Variants in NTNG1 observed in about 807,000 individuals in gnomAD.
The protein encoded by NTNG1 is netrin G1, also known as netrin-G1.
Under a neutral mutation model 54.0 loss-of-function variants are expected in NTNG1, and 16 were observed. That is an observed-to-expected ratio of 0.30 (90% CI 0.20 to 0.45). NTNG1 has a LOEUF of 0.45. Ranked by LOEUF, NTNG1 falls within the 20% of genes least tolerant of loss-of-function variation. The pLI is 1.00. For synonymous variants in NTNG1, 255 were observed against 263.1 expected, an observed-to-expected ratio of 0.97 and a Z score of 0.30; for missense variants, 530 against 678.7, an observed-to-expected ratio of 0.78 and a Z score of 2.43.
chr1:107,357,427 C>T (rs1033044801), intron 3 of NTNG1, among the ~76,000 whole-genome samples: 1 of 152,202 alleles, frequency 6.6e-6, no homozygotes, highest in Non-Finnish European at 1.5e-5. Context: ...GTAATACCTC[C>T]TTGTCAAAGT....
chr1:107,365,642 CAT>C (rs1670553557), intron 3 of NTNG1, among the ~76,000 whole-genome samples: 1 of 152,006 alleles, frequency 6.6e-6, no homozygotes, highest in African/African-American at 2.4e-5. Context: ...TTCAATGAAA[CAT>C]AATCATATTT....
intron 2 of NTNG1, among the ~76,000 whole-genome samples, chr1:107,219,430 G>A (rs185340822): frequency 2.1e-4 from 32 of 152,240 alleles, no homozygotes; most frequent in African/African-American, 6.5e-4. Context: ...CAGAGATTTC[G>A]TCGTGATTTG....
chr1:107,474,937 T>C (rs621222), intron 7 of NTNG1, among the ~76,000 whole-genome samples: 45,439 of 152,102 alleles, frequency 0.3, 7,153 homozygotes, highest in Admixed American at 0.39. Context: ...CAGTCTCCTA[T>C]GTACAGGGGA....
At chr1:107,216,205 G>A (rs1659944407) in intron 2 of NTNG1, among the ~76,000 whole-genome samples, 1 of 152,136 alleles carries the variant, frequency 6.6e-6, no homozygotes, top group South Asian at 2.1e-4. Context: ...TGGTGAAAGT[G>A]GGCATCCTTG....
At chr1:107,197,603 A>G (rs1658438050) in intron 2 of NTNG1, among the ~76,000 whole-genome samples, 1 of 151,978 alleles carries the variant, frequency 6.6e-6, no homozygotes, top group Non-Finnish European at 1.5e-5. Context: ...AGATTTGTGC[A>G]GGACTACATT....
chr1:107,161,606 A>G, intron 2 of NTNG1, among the ~76,000 whole-genome samples: 1 of 151,600 alleles, frequency 6.6e-6, no homozygotes, highest in South Asian at 2.1e-4. Context: ...GGTTGCAGTG[A>G]GTTGAGATCG....
chr1:107,298,175 A>T (rs1253531640), intron 2 of NTNG1, among the ~76,000 whole-genome samples: 1 of 152,176 alleles, frequency 6.6e-6, no homozygotes, highest in Non-Finnish European at 1.5e-5. Flanking sequence ...TCTGGGGATA[A>T]AAAGACCCCA....
intron 2 of NTNG1, among the ~76,000 whole-genome samples, chr1:107,305,263 G>T (rs1270300098): frequency 6.6e-6 from 1 of 152,110 alleles, no homozygotes; most frequent in Non-Finnish European, 1.5e-5. Flanking sequence ...GTAATGGGAT[G>T]GCTGGGTCAA....
intron 7 of NTNG1, among the ~76,000 whole-genome samples, chr1:107,464,736 G>C (rs567655720): frequency 6.6e-6 from 1 of 152,154 alleles, no homozygotes; most frequent in Non-Finnish European, 1.5e-5. Context: ...AGTGCAATAG[G>C]TGGAGAATCT....
chr1:107,354,745 A>C (rs915899090), intron 3 of NTNG1, among the ~76,000 whole-genome samples: 1 of 152,104 alleles, frequency 6.6e-6, no homozygotes, highest in African/African-American at 2.4e-5. Context: ...GCATCACTGA[A>C]AATTCCCACT....
At chr1:107,451,868 A>G (rs1676646835) in intron 7 of NTNG1, among the ~76,000 whole-genome samples, 1 of 152,108 alleles carries the variant, frequency 6.6e-6, no homozygotes, top group South Asian at 2.1e-4. Context: ...AAAACGTGAA[A>G]TCGTAGAGTG....
At chr1:107,467,945 T>A (rs1302396727) in intron 7 of NTNG1, among the ~76,000 whole-genome samples, 1 of 152,236 alleles carries the variant, frequency 6.6e-6, no homozygotes, top group African/African-American at 2.4e-5. Context: ...CACCTTGAAT[T>A]TATTGACACC....
At chr1:107,148,949 G>C in intron 2 of NTNG1, 110 bp downstream of exon 2, 1 of 1,118,962 alleles carries the variant, frequency 8.9e-7, no homozygotes, top group Non-Finnish European at 1.3e-6. Context: ...GAATCTGCAG[G>C]TGGCAGATTT....
Position 107,482,110 on chromosome 1 carries a change from A to T in NTNG1, c.*1270A>T, listed in dbSNP as rs990067435. ...TAAGTGATTGCCAAGATTATGCCAAAGCCTGTTGGCAGAGTACTAAGAGAC... is the reference window on the plus strand; with the variant it reads ...TAAGTGATTGCCAAGATTATGCCAATGCCTGTTGGCAGAGTACTAAGAGAC... On this transcript the variant is annotated 3_prime_UTR_variant, in exon 8 of 8. Coordinates refer to ENST00000370068, the MANE Select transcript of NTNG1 (RefSeq NM_001113226.3). 6.7e-6 allele frequency: 1 copy of T among 149,108 alleles called. No homozygotes were observed. Among genetic ancestry groups the T allele is most frequent in the South Asian group, 2.2e-4 (1 of 4,568 alleles). The allele number at this position is 149,108 out of a possible 1,614,324, so 9.2% of individuals were successfully genotyped here.
At chr1:107,450,229 T>A (rs188986624) in intron 7 of NTNG1, among the ~76,000 whole-genome samples, 31 of 152,290 alleles carry the variant, frequency 2.0e-4, no homozygotes, top group African/African-American at 7.5e-4. Context: ...CTAATGTGCC[T>A]AAATTCTTAT....
chr1:107,436,086 G>T (rs186647093), intron 6 of NTNG1, among the ~76,000 whole-genome samples: 161 of 152,246 alleles, frequency 1.1e-3, no homozygotes, highest in African/African-American at 3.8e-3. Flanking sequence ...TGATTGTTAA[G>T]CTGGGCTGCA....
intron 2 of NTNG1, among the ~76,000 whole-genome samples, chr1:107,212,410 G>A (rs939506111): frequency 4.6e-5 from 7 of 151,932 alleles, no homozygotes; most frequent in Non-Finnish European, 8.8e-5. Flanking sequence ...AATGACTCCC[G>A]GAAAGATTAC....
chr1:107,191,811 T>C (rs1001117353), intron 2 of NTNG1, among the ~76,000 whole-genome samples: 1 of 152,052 alleles, frequency 6.6e-6, no homozygotes, highest in African/African-American at 2.4e-5. Flanking sequence ...ACCAGTACCA[T>C]GCTGTTTTGG....
chr1:107,451,139 G>C (rs1368547352), intron 7 of NTNG1, among the ~76,000 whole-genome samples: 1 of 148,502 alleles, frequency 6.7e-6, no homozygotes, highest in Non-Finnish European at 1.5e-5. Context: ...CTCCTCAGGG[G>C]ACTTTCCACG....
Sources: gnomAD v4.1 joint callset for allele counts (sites outside exome capture counted in the v4.1 genomes callset) on GRCh38, gnomAD v4.1.1 for gene constraint, MANE v1.5 for transcripts, NCBI Gene and HGNC (gene_info 2026-07-23, HGNC 2026-07-21) for gene names.